Variants in DNAH8 observed in about 807,000 individuals in gnomAD.
The protein encoded by DNAH8 is dynein axonemal heavy chain 8.
Under a neutral mutation model 562.1 loss-of-function variants are expected in DNAH8, and 382 were observed. The ratio of observed to expected loss-of-function variants is 0.68; its 90% CI spans 0.63 to 0.74. The LOEUF (loss-of-function observed/expected upper bound fraction) is 0.74, where lower values mean the gene tolerates loss of function less well. Ranked by LOEUF, DNAH8 falls within the 30% of genes least tolerant of loss-of-function variation. DNAH8 has a pLI of 0.00. For missense variants in DNAH8, 5,203 were observed against 5,620.4 expected (o/e 0.93, Z 2.37); for synonymous variants, 1,881 against 1,919.4 (o/e 0.98, Z 0.52).
At chr6:38,930,378 G>C (rs1335035815) in intron 75 of DNAH8, among the ~76,000 whole-genome samples, 1 of 151,980 alleles carries the variant, frequency 6.6e-6, no homozygotes, top group Non-Finnish European at 1.5e-5. Flanking sequence ...TTAATTTCAT[G>C]AGTATCAGTG....
At chr6:38,994,051 GA>G (rs1764968314) in intron 88 of DNAH8, among the ~76,000 whole-genome samples, 7 of 126,290 alleles carry the variant, frequency 5.5e-5, no homozygotes, top group Admixed American at 5.4e-4. Context: ...CATTTTTTCA[GA>G]ATCTCATCAA....
intron 79 of DNAH8, 37 bp downstream of exon 79, chr6:38,939,025 A>C (rs751793312): frequency 6.5e-7 from 1 of 1,548,612 alleles, no homozygotes; most frequent in East Asian, 2.3e-5. Flanking sequence ...TGTGTGGAGG[A>C]TGTTGCTTTT....
intron 88 of DNAH8, among the ~76,000 whole-genome samples, chr6:38,996,791 C>T (rs780048986): frequency 5.9e-5 from 9 of 152,304 alleles, no homozygotes; most frequent in African/African-American, 4.8e-5. Context: ...AGAGAGGACA[C>T]GGTGAGCCTT....
intron 75 of DNAH8, chr6:38,931,331 A>G (rs1782537299): frequency 6.6e-6 from 1 of 151,876 alleles, no homozygotes; most frequent in Non-Finnish European, 1.5e-5. Flanking sequence ...TCCTTTGAAA[A>G]TTACATTAAC....
In DNAH8 at chr6:38,866,660, A is replaced by G. The variant is rs1208004196; in HGVS notation, c.6568A>G (p.Met2190Val). Residue 2190 changes from methionine (M) to valine (V), a missense_variant, in exon 46 of 93, where the codon ATG (methionine) becomes GTG (valine). By Grantham distance (21) the Met-to-Val change is conservative (BLOSUM62 1). Around this residue, in one of 6 missense-constraint regions of DNAH8, gnomAD observed 2,176 missense variants for 2,365.1 expected, o/e 0.92. Coordinates refer to ENST00000327475, the MANE Select transcript of DNAH8 (RefSeq NM_001206927.2). ...LKIQFRTVAM[M>V]VPDRQIIMRV... is the part of the protein sequence containing the mutation. Reference sequence around the variant, plus strand: ...AATCCAGTTTAGAACTGTTGCTATGATGGTTCCTGATAGACAGGTATGCAC... The same window carrying G: ...AATCCAGTTTAGAACTGTTGCTATGGTGGTTCCTGATAGACAGGTATGCAC... The G allele has an allele frequency of 6.2e-7, 1 of 1,612,538 alleles. No homozygotes were observed. The highest frequency in any genetic ancestry group is 1.7e-5 in the Admixed American group (1 of 59,888).
intron 91 of DNAH8, among the ~76,000 whole-genome samples, chr6:39,021,149 A>G (rs938048703): frequency 5.9e-5 from 9 of 152,184 alleles, no homozygotes; most frequent in African/African-American, 2.2e-4. Context: ...TGTTGGTGGC[A>G]ATAAATTTTC....
Position 38,779,967 on chromosome 6 carries a change from T to G in DNAH8, c.2041T>G (p.Phe681Val), listed in dbSNP as rs769183418. Residue 681 changes from phenylalanine to valine, a missense_variant and splice_region_variant, in exon 15 of 93, where the codon TTT (phenylalanine) becomes GTT (valine). Coordinates refer to ENST00000327475, the MANE Select transcript of DNAH8 (RefSeq NM_001206927.2). ...CCATTCAGCTTTGATTACTTTTAGG[T>G]TTCAGAAGCTGAACATTCCCTGTCT... Reference protein sequence around the residue: ...SQQALQLLQRFQKLNIPCLGL... With the variant: ...SQQALQLLQRVQKLNIPCLGL... 1.2e-6 allele frequency: 2 copies of G among 1,613,810 alleles called. No individual in the cohort carries two copies. Among genetic ancestry groups the G allele is most frequent in the Admixed American group, 3.3e-5 (2 of 60,010 alleles).
At chr6:39,023,050 G>A (rs1767029824) in intron 91 of DNAH8, among the ~76,000 whole-genome samples, 1 of 152,032 alleles carries the variant, frequency 6.6e-6, no homozygotes, top group African/African-American at 2.4e-5. Context: ...TTTTCATGTG[G>A]GTGGTTTACT....
At chr6:38,987,160 C>T (rs1764457219) in intron 87 of DNAH8, among the ~76,000 whole-genome samples, 1 of 152,220 alleles carries the variant, frequency 6.6e-6, no homozygotes, top group African/African-American at 2.4e-5. Context: ...CAACGGAAAG[C>T]TGCTGTGTTG....
intron 1 of DNAH8, among the ~76,000 whole-genome samples, chr6:38,715,925 A>AATATATATATAT (rs1206266759): frequency 1.1e-4 from 4 of 36,890 alleles, no homozygotes; most frequent in Non-Finnish European, 1.9e-4. Flanking sequence ...TAAATAAATA[A>AATATATATATAT]ATATATATAT....
At chr6:38,823,805 A>C in intron 28 of DNAH8, 117 bp downstream of exon 28, 1 of 499,038 alleles carries the variant, frequency 2.0e-6, no homozygotes, top group Non-Finnish European at 3.4e-6. Flanking sequence ...AGATATAATA[A>C]TAATAATATA....
intron 8 of DNAH8, among the ~76,000 whole-genome samples, chr6:38,746,288 T>G (rs1764924240): frequency 6.6e-6 from 1 of 152,350 alleles, no homozygotes; most frequent in Admixed American, 6.5e-5. Flanking sequence ...TCTTTGGCCA[T>G]CGGGAAATCT....
At chr6:38,805,310 T>A (rs1396825836) in intron 22 of DNAH8, among the ~76,000 whole-genome samples, 171 bp from the exon 23 acceptor site, 2 of 152,222 alleles carry the variant, frequency 1.3e-5, no homozygotes, top group East Asian at 3.8e-4. Flanking sequence ...TAATTTAAAT[T>A]GAATTCAAGG....
chr6:38,754,984 G>T (rs746533762), intron 9 of DNAH8, among the ~76,000 whole-genome samples: 40 of 152,080 alleles, frequency 2.6e-4, no homozygotes, highest in Admixed American at 2.0e-3. Context: ...AATTCAGACT[G>T]CAGTTGAGTA....
At chr6:38,753,557 T>A (rs954317931) in intron 9 of DNAH8, among the ~76,000 whole-genome samples, 3 of 152,172 alleles carry the variant, frequency 2.0e-5, no homozygotes, top group Admixed American at 2.0e-4. Flanking sequence ...GAGTAGGTGG[T>A]CATTATATTT....
In DNAH8 at chr6:39,026,614, A is replaced by C. The variant is rs576551796; in HGVS notation, c.13783A>C (p.Ile4595Leu). 5 of 1,613,670 alleles carry C rather than the reference A, an allele frequency of 3.1e-6. No individual in the cohort carries two copies. The South Asian group carries it at 5.5e-5, about 18-fold the overall frequency. Residue 4595 changes from isoleucine (I) to leucine (L), a missense_variant, in exon 92 of 93, where the codon ATC becomes CTC. By Grantham distance (5) the Ile-to-Leu change is conservative. Transcript: ENST00000327475. ...HKGWALDTVT[I>L]HNEVLRQTKE... is the part of the protein sequence containing the mutation. ...AGGCTGGGCACTGGACACTGTGACCATCCACAATGAAGTTCTGAGACAGAC... is the reference window on the plus strand; with the variant it reads ...AGGCTGGGCACTGGACACTGTGACCCTCCACAATGAAGTTCTGAGACAGAC...
At chr6:38,814,848 G>A (rs1325829253) in intron 25 of DNAH8, among the ~76,000 whole-genome samples, 6 of 152,158 alleles carry the variant, frequency 3.9e-5, no homozygotes, top group East Asian at 1.9e-4. Context: ...TGAATCACCC[G>A]TGTCTTCCCA....
rs1762895397 is a variant in DNAH8, at chr6:38,722,985, T to A, written c.176T>A (p.Val59Glu). The A allele has an allele frequency of 6.2e-7, 1 of 1,612,714 alleles. No homozygotes were observed. Among genetic ancestry groups the A allele is most frequent in the East Asian group, 2.2e-5 (1 of 44,870 alleles). The change falls in exon 2 of 93, where the codon GTG (valine) becomes GAG (glutamate). Residue 59 changes from valine to glutamate, a missense_variant. Val to Glu is a moderately radical substitution (Grantham distance 121, BLOSUM62 -2). This residue lies in a region of DNAH8 where 556 missense variants were observed against 496.9 expected (regional missense o/e 1.12). Coordinates refer to ENST00000327475, the MANE Select transcript of DNAH8 (RefSeq NM_001206927.2). ...GCAGAAGATGCTGTTTCTTCTGTGG[T>A]GGATTATCGGGATCTCATTCCTTCT... is the stretch of plus-strand genomic sequence containing the variant. ...PSAEDAVSSV[V>E]DYRDLIPSEE...
intron 47 of DNAH8, among the ~76,000 whole-genome samples, chr6:38,867,809 C>G (rs1338359822): frequency 6.7e-6 from 1 of 150,178 alleles, no homozygotes; most frequent in Non-Finnish European, 1.5e-5. Context: ...CAGACTGTAT[C>G]AGACTATATT....
Sources: gnomAD v4.1 joint callset for allele counts (sites outside exome capture counted in the v4.1 genomes callset) on GRCh38, gnomAD v4.1.1 for gene constraint, gnomAD v4.1.1 regional missense constraint, MANE v1.5 for transcripts, NCBI Gene and HGNC (gene_info 2026-07-23, HGNC 2026-07-21) for gene names.